Variants in ASAP1 observed in about 807,000 individuals in gnomAD.
The protein encoded by ASAP1 is ArfGAP with SH3 domain, ankyrin repeat and PH domain 1.
In ASAP1, 43 loss-of-function variants were observed where a neutral mutation model predicts 145.2. That is an observed-to-expected ratio of 0.30 (90% CI 0.23 to 0.38). The LOEUF (loss-of-function observed/expected upper bound fraction) is 0.38, where lower values mean the gene tolerates loss of function less well. Among genes scored for constraint, ASAP1 ranks in the 10% least tolerant of loss-of-function variants. The pLI is 1.00. For missense variants in ASAP1, 1,018 were observed against 1,355.3 expected (o/e 0.75, Z 3.91); for synonymous variants, 546 against 515.5 (o/e 1.06, Z -0.80).
chr8:130,249,177 T>C (rs955367886), intron 3 of ASAP1, among the ~76,000 whole-genome samples: 5 of 152,216 alleles, frequency 3.3e-5, no homozygotes, highest in Admixed American at 6.5e-5. Context: ...CACCCATCCA[T>C]CTTCCGCACC....
chr8:130,175,943 A>G (rs1288357846), intron 9 of ASAP1, among the ~76,000 whole-genome samples: 1 of 152,254 alleles, frequency 6.6e-6, no homozygotes, highest in Non-Finnish European at 1.5e-5. Flanking sequence ...ATGTTTATAA[A>G]TGCTGTTAAC....
chr8:130,257,787 C>CCA (rs754287594), intron 3 of ASAP1, among the ~76,000 whole-genome samples: 14 of 9,712 alleles, frequency 1.4e-3, no homozygotes, highest in Non-Finnish European at 3.2e-3. Context: ...CTCAAGAGCA[C>CCA]CCCCCCCCCA....
intron 24 of ASAP1, among the ~76,000 whole-genome samples, chr8:130,098,840 T>C (rs568202420): frequency 6.6e-6 from 1 of 152,256 alleles, no homozygotes; most frequent in Admixed American, 6.5e-5. Context: ...AAATTACTGT[T>C]AACCACAGTC....
chr8:130,283,587 G>GACAAAAAAAAAAAAAAAAAAA (rs1821396757), intron 3 of ASAP1, among the ~76,000 whole-genome samples: 1 of 20,880 alleles, frequency 4.8e-5, no homozygotes, highest in African/African-American at 1.7e-4. Context: ...ATCACAGAAA[G>GACAAAAAAAAAAAAAAAAAAA]AAAAAAAAAA....
intron 27 of ASAP1, among the ~76,000 whole-genome samples, chr8:130,064,893 ATGTGTGTGTG>A (rs34905534): frequency 0.028 from 4,029 of 142,616 alleles, 82 homozygotes; most frequent in East Asian, 0.069. Context: ...TTTACTAAGA[ATGTGTGTGTG>A]TGTGTGTGTG....
intron 3 of ASAP1, among the ~76,000 whole-genome samples, chr8:130,247,938 T>C (rs572743765): frequency 1.3e-5 from 2 of 152,228 alleles, no homozygotes; most frequent in African/African-American, 4.8e-5. Flanking sequence ...AGGCTTAATA[T>C]AAATAACCAA....
chr8:130,209,072 G>A (rs1816415350), intron 5 of ASAP1, among the ~76,000 whole-genome samples: 1 of 152,124 alleles, frequency 6.6e-6, no homozygotes, highest in Non-Finnish European at 1.5e-5. Context: ...GTCCCCTATA[G>A]TGGCTATTAA....
At chr8:130,077,856 C>T (rs1032814823) in intron 26 of ASAP1, among the ~76,000 whole-genome samples, 18 of 152,170 alleles carry the variant, frequency 1.2e-4, no homozygotes, top group African/African-American at 4.3e-4. Context: ...TGAGATAAAG[C>T]CACCACTAAA....
At chr8:130,434,525 G>A (rs762017946) in intron 1 of ASAP1, among the ~76,000 whole-genome samples, 50 of 152,168 alleles carry the variant, frequency 3.3e-4, no homozygotes, top group Non-Finnish European at 5.0e-4. Flanking sequence ...ACATATTAAC[G>A]AGCAATACAT....
At chr8:130,234,622 T>C (rs531941445) in intron 4 of ASAP1, among the ~76,000 whole-genome samples, 15 of 152,286 alleles carry the variant, frequency 9.8e-5, no homozygotes. Flanking sequence ...TTGTATGAGC[T>C]GCTGAGTGAT....
chr8:130,278,009 C>T (rs967827533), intron 3 of ASAP1, among the ~76,000 whole-genome samples: 3 of 150,342 alleles, frequency 2.0e-5, no homozygotes, highest in African/African-American at 4.9e-5. Flanking sequence ...TGGTTCTCAG[C>T]GAGGCTGAAG....
At chr8:130,419,663 G>C (rs1829635171) in intron 1 of ASAP1, among the ~76,000 whole-genome samples, 1 of 151,988 alleles carries the variant, frequency 6.6e-6, no homozygotes, top group South Asian at 2.1e-4. Flanking sequence ...CTCCTCCTCT[G>C]CTACAGGGTG....
chr8:130,376,421 T>C (rs902088891), intron 2 of ASAP1, among the ~76,000 whole-genome samples: 2 of 109,326 alleles, frequency 1.8e-5, no homozygotes, highest in Non-Finnish European at 3.8e-5. Flanking sequence ...CATTTATACT[T>C]GCTTCCTTAA....
chr8:130,061,400 A>T (rs532832485), intron 27 of ASAP1, among the ~76,000 whole-genome samples: 1 of 152,308 alleles, frequency 6.6e-6, no homozygotes, highest in East Asian at 1.9e-4. Context: ...GCCATTTAAA[A>T]TTCTTTTATA....
chr8:130,092,033 G>A lies in ASAP1; in HGVS notation c.2512C>T (p.Leu838=). 6.3e-7 allele frequency: 1 copy of A among 1,576,790 alleles called. No individual in the cohort carries two copies. Among genetic ancestry groups the A allele is most frequent in the Non-Finnish European group, 8.6e-7 (1 of 1,165,730 alleles). Residue 838 remains leucine, a synonymous_variant, in exon 25 of 30, where the codon CTA becomes TTA. Transcript: ENST00000518721. ...PPPPPGHKRT[L]SDPPSPLPHG... ...GGTAGTGGGCTGGGAGGGTCGGATA[G>A]GGTTCTCTTGTGTCCGGGTGGTGGG...
chr8:130,341,414 T>C (rs1486982561), intron 3 of ASAP1, among the ~76,000 whole-genome samples: 1 of 152,208 alleles, frequency 6.6e-6, no homozygotes, highest in African/African-American at 2.4e-5. Flanking sequence ...TGGCAGAGAC[T>C]TGGAGACTTG....
At chr8:130,224,165 A>T (rs1817456703) in intron 4 of ASAP1, among the ~76,000 whole-genome samples, 1 of 152,136 alleles carries the variant, frequency 6.6e-6, no homozygotes, top group Non-Finnish European at 1.5e-5. Context: ...CATGTAGTGG[A>T]TTCTCCTAGA....
chr8:130,276,662 A>C (rs1300812856), intron 3 of ASAP1, among the ~76,000 whole-genome samples: 1 of 148,764 alleles, frequency 6.7e-6, no homozygotes, highest in Admixed American at 6.7e-5. Context: ...TGCAGGCCAA[A>C]CGTGAACTGA....
At chr8:130,057,620 T>C (rs1228445780) in intron 29 of ASAP1, among the ~76,000 whole-genome samples, 1 of 152,164 alleles carries the variant, frequency 6.6e-6, no homozygotes, top group African/African-American at 2.4e-5. Context: ...AGTTAATTTT[T>C]TGTATTTTTA....
Sources: gnomAD v4.1 joint callset for allele counts (sites outside exome capture counted in the v4.1 genomes callset) on GRCh38, gnomAD v4.1.1 for gene constraint, MANE v1.5 for transcripts, NCBI Gene and HGNC (gene_info 2026-07-23, HGNC 2026-07-21) for gene names.